Variants in RTEL1 observed in about 807,000 individuals in gnomAD.
RTEL1 encodes the protein regulator of telomere elongation helicase 1, also known as regulator of telomere length.
Under a neutral mutation model 162.2 loss-of-function variants are expected in RTEL1, and 86 were observed. That is an observed-to-expected ratio of 0.53 (90% confidence interval 0.45 to 0.63). RTEL1 has a LOEUF of 0.63. RTEL1 is among the 30% of genes least tolerant of loss of function. The probability of loss-of-function intolerance (pLI) is 0.00; values close to 1 mark genes in which losing one functional copy is unlikely to be tolerated. For synonymous variants in RTEL1, 958 were observed against 717.9 expected (o/e 1.33, Z -5.35); for missense variants, 1,941 against 1,750.2 (o/e 1.11, Z -1.95).
At chr20:63,680,546 T>C (rs1219041362) in intron 13 of RTEL1, 118 bp from the exon 14 acceptor site, 15 of 1,083,072 alleles carry the variant, frequency 1.4e-5, no homozygotes, top group African/African-American at 7.7e-5. Flanking sequence ...GGGCCCCCCA[T>C]TGGGCAGGAG....
rs765792997 is a variant in RTEL1 at position 63,679,914 on chromosome 20, C to T, written c.1103C>T (p.Ser368Leu). 29 of 1,612,494 alleles carry T rather than the reference C, an allele frequency of 1.8e-5. No homozygotes were observed. The highest frequency in any genetic ancestry group is 4.5e-5 in the East Asian group (2 of 44,882). ...TFQTKGCILD[S>L]LDQIIQHLAG... ...CAGACCAAGGGCTGCATCCTGGACT[C>T]GCTGGACCAGATCATCCAGCACCTG... The change falls in exon 13 of 35, where the codon TCG becomes TTG. Residue 368 changes from serine to leucine, a missense_variant. Coordinates refer to ENST00000360203, the MANE Select transcript of RTEL1 (RefSeq NM_001283009.2).
At chr20:63,691,656 C>T in intron 27 of RTEL1, 86 bp from the exon 28 acceptor site, 1 of 1,232,334 alleles carries the variant, frequency 8.1e-7, no homozygotes, top group Non-Finnish European at 1.2e-6. Flanking sequence ...CTCCTTGGGA[C>T]CATCTTCCCT....
rs767851345 is a variant in RTEL1, at chr20:63,659,498, G to A, written c.96G>A (p.Leu32=). The change falls in exon 2 of 35, where the codon CTG becomes CTA. Residue 32 remains leucine, a synonymous_variant. Transcript: ENST00000360203. The part of the protein sequence containing the change: ...QEYMTKVLEC[L]QQKVNGILES... ...ACATGACCAAGGTCCTGGAATGTCTGCAGCAGGTAGAGCACAGGCCCCGAG... is the reference window on the plus strand; with the variant it reads ...ACATGACCAAGGTCCTGGAATGTCTACAGCAGGTAGAGCACAGGCCCCGAG... 1 of 1,612,634 alleles carries A rather than the reference G, an allele frequency of 6.2e-7. No individual in the cohort carries two copies. Among genetic ancestry groups the A allele is most frequent in the Non-Finnish European group, 8.5e-7 (1 of 1,178,604 alleles).
chr20:63,666,031 G>C lies in RTEL1; in HGVS notation c.566G>C (p.Ser189Thr). The C allele has an allele frequency of 6.2e-7, 1 of 1,614,126 alleles. No individual in the cohort carries two copies. Among genetic ancestry groups the C allele is most frequent in the African/African-American group, 1.3e-5 (1 of 75,042 alleles). ...EEKSLEQELA[S>T]PILDIEDLVK... Reference sequence around the variant, plus strand: ...AAAAGCCTGGAGCAGGAGCTGGCCAGCCCCATCCTGGACATTGAGGACTTG... The same window carrying C: ...AAAAGCCTGGAGCAGGAGCTGGCCACCCCCATCCTGGACATTGAGGACTTG... Residue 189 changes from serine (S) to threonine (T), a missense_variant, in exon 7 of 35, where the codon AGC (serine) becomes ACC (threonine). By Grantham distance (58) the Ser-to-Thr change is moderately conservative. Transcript: ENST00000360203.
chr20:63,693,078 C>G (rs1024814410), intron 29 of RTEL1, 65 bp from the exon 30 acceptor site: 10 of 1,610,636 alleles, frequency 6.2e-6, no homozygotes, highest in Non-Finnish European at 8.5e-6. Flanking sequence ...CCATCTGGGT[C>G]CAAGGTGGTC....
chr20:63,676,911 GC>G (rs1467241101), intron 10 of RTEL1, among the ~76,000 whole-genome samples: 2 of 152,080 alleles, frequency 1.3e-5, no homozygotes, highest in African/African-American at 2.4e-5. Context: ...CTCCAGCCTG[GC>G]GACAGAGCGA....
At chr20:63,685,417 C>T (rs1049819496) in intron 14 of RTEL1, 106 bp from the exon 15 acceptor site, 10 of 1,155,174 alleles carry the variant, frequency 8.7e-6, no homozygotes, top group South Asian at 4.4e-5. Context: ...GGCCGGTGAA[C>T]CGATGACCCC....
intron 28 of RTEL1, chr20:63,692,557 C>CT (rs2090775034): frequency 1.8e-6 from 1 of 570,392 alleles, no homozygotes; most frequent in African/African-American, 1.9e-5. Context: ...CCAATCTACC[C>CT]TTTGCCCATT....
chr20:63,683,497 A>C (rs890967919), intron 14 of RTEL1, among the ~76,000 whole-genome samples: 1 of 152,238 alleles, frequency 6.6e-6, no homozygotes, highest in Admixed American at 6.5e-5. Context: ...GCACGTGCAC[A>C]TGCATGCAGA....
chr20:63,685,127 G>T (rs1181387380), intron 14 of RTEL1, among the ~76,000 whole-genome samples: 4 of 150,110 alleles, frequency 2.7e-5, no homozygotes, highest in Non-Finnish European at 5.9e-5. Flanking sequence ...GGTTCGGGCA[G>T]TTTGCTCCTC....
chr20:63,668,585 A>T lies in RTEL1; in HGVS notation c.699+1032A>T, dbSNP rs972553284. Among the ~76,000 whole-genome samples, 2 of 151,978 alleles carry T rather than the reference A, an allele frequency of 1.3e-5. No homozygotes were observed. Among genetic ancestry groups the T allele is most frequent in the Admixed American group, 1.3e-4 (2 of 15,254 alleles). On this transcript the variant is annotated intron_variant, in intron 8 of 34. Transcript: ENST00000360203. The surrounding 1 kb of genome is among the most constrained non-coding windows in gnomAD (Gnocchi z 4.3). ...AGGGGAGCCTCAGCAGGTGCAGCAG[A>T]GCAAGGGAAGAGGTGAGTGGGGGCG...
chr20:63,680,765 G>A, intron 14 of RTEL1, 46 bp downstream of exon 14: 5 of 1,610,132 alleles, frequency 3.1e-6, no homozygotes, highest in Non-Finnish European at 4.2e-6. Context: ...ATGGAAGCCG[G>A]GCGGGTGCCT....
intron 10 of RTEL1, among the ~76,000 whole-genome samples, chr20:63,676,805 CAT>C (rs1569093473): frequency 1.0e-3 from 152 of 151,754 alleles, no homozygotes; most frequent in Middle Eastern, 3.4e-3. Context: ...TGTGGTGGTG[CAT>C]GCTTGTAATC....
chr20:63,685,442 C>T (rs1366732446), intron 14 of RTEL1, 81 bp from the exon 15 acceptor site: 2 of 1,420,490 alleles, frequency 1.4e-6, no homozygotes, highest in Non-Finnish European at 1.9e-6. Flanking sequence ...TGTCCTGTGA[C>T]CTTCTGTGTA....
chr20:63,678,464 CT>C, intron 12 of RTEL1, 118 bp downstream of exon 12: 2 of 948,074 alleles, frequency 2.1e-6, no homozygotes, highest in Non-Finnish European at 3.1e-6. Context: ...CCTGTTTTCC[CT>C]TTTTGAGACC....
At chr20:63,687,581 T>G in intron 16 of RTEL1, 57 bp from the exon 17 acceptor site, 1 of 1,515,352 alleles carries the variant, frequency 6.6e-7, no homozygotes, top group Non-Finnish European at 8.9e-7. Flanking sequence ...AGGCAGGTGG[T>G]CAGGCCCCCA....
At chr20:63,687,861 TG>T (rs1393783559) in intron 17 of RTEL1, 75 bp from the exon 18 acceptor site, 1 of 1,575,554 alleles carries the variant, frequency 6.3e-7, no homozygotes, top group Non-Finnish European at 8.6e-7. Flanking sequence ...AGCCGGGTGC[TG>T]GGGGTCTCGG....
At chr20:63,683,313 C>G (rs2090515715) in intron 14 of RTEL1, among the ~76,000 whole-genome samples, 1 of 152,216 alleles carries the variant, frequency 6.6e-6, no homozygotes, top group South Asian at 2.1e-4. Flanking sequence ...AGACTCAGCC[C>G]TGCTCATGGC....
intron 30 of RTEL1, among the ~76,000 whole-genome samples, 198 bp downstream of exon 30, chr20:63,693,481 C>T (rs1216566094): frequency 1.7e-4 from 9 of 54,210 alleles, no homozygotes; most frequent in African/African-American, 2.2e-4. Context: ...ACCTCCACCT[C>T]CACCACCACC....
Sources: gnomAD v4.1 joint callset for allele counts (sites outside exome capture counted in the v4.1 genomes callset) on GRCh38, gnomAD v4.1.1 for gene constraint, Gnocchi (gnomAD v3.1) non-coding constraint, MANE v1.5 for transcripts, NCBI Gene and HGNC (gene_info 2026-07-23, HGNC 2026-07-21) for gene names.